The following ACYP2 variants were observed in gnomAD, a reference collection of about 807,000 sequenced individuals.
The protein encoded by ACYP2 is acylphosphatase 2.
Under a neutral mutation model 11.2 loss-of-function variants are expected in ACYP2, and 12 were observed. The observed-to-expected ratio is 1.08, with a 90% CI of 0.69 to 1.74. The LOEUF (loss-of-function observed/expected upper bound fraction) is 1.74. Ranked by LOEUF, ACYP2 falls within the 40% of genes most tolerant of loss-of-function variation. The pLI is 0.00. For missense variants in ACYP2, 134 were observed against 101.9 expected (o/e 1.31, Z -1.35); for synonymous variants, 43 against 32.2 (o/e 1.33, Z -1.13).
intron 2 of ACYP2, among the ~76,000 whole-genome samples, chr2:54,010,282 A>G (rs760042259): frequency 1.2e-4 from 18 of 152,270 alleles, no homozygotes; most frequent in Admixed American, 4.6e-4. Flanking sequence ...TCAGGAGGTC[A>G]AGACCATCCT....
chr2:54,106,553 G>A (rs1377005634), intron 4 of ACYP2, among the ~76,000 whole-genome samples: 1 of 151,710 alleles, frequency 6.6e-6, no homozygotes, highest in Non-Finnish European at 1.5e-5. Flanking sequence ...TCAACATAAT[G>A]TCTCATATAA....
chr2:54,156,374 T>G (rs1040906807), intron 6 of ACYP2, among the ~76,000 whole-genome samples: 1 of 152,200 alleles, frequency 6.6e-6, no homozygotes, highest in African/African-American at 2.4e-5. Flanking sequence ...ACCTAGGTAT[T>G]AAGCCCCGCA....
intron 2 of ACYP2, among the ~76,000 whole-genome samples, chr2:54,008,082 C>G (rs755329746): frequency 3.3e-5 from 5 of 152,170 alleles, no homozygotes; most frequent in Non-Finnish European, 7.4e-5. Context: ...TTTGCAAACG[C>G]AGTTTCACTC....
chr2:54,017,609 TTTC>T (rs1341860999), intron 2 of ACYP2, among the ~76,000 whole-genome samples: 1 of 152,124 alleles, frequency 6.6e-6, no homozygotes, highest in Non-Finnish European at 1.5e-5. Context: ...CCCATAGAAA[TTTC>T]TTTAAAATAT....
At chr2:54,223,185 C>T (rs1337654874) in intron 6 of ACYP2, 1 of 152,094 alleles carries the variant, frequency 6.6e-6, no homozygotes, top group Non-Finnish European at 1.5e-5. Context: ...CAGACAGCCC[C>T]CATTTAGCTC....
intron 6 of ACYP2, among the ~76,000 whole-genome samples, chr2:54,276,222 A>G (rs1688559752): frequency 6.8e-6 from 1 of 146,832 alleles, no homozygotes. Flanking sequence ...AAGCTGTGCA[A>G]GACCCTTCCC....
At chr2:54,054,261 C>T (rs1676008467) in intron 3 of ACYP2, among the ~76,000 whole-genome samples, 1 of 152,148 alleles carries the variant, frequency 6.6e-6, no homozygotes. Context: ...ACCTTCTTTT[C>T]ATTGAGGTGG....
intron 3 of ACYP2, among the ~76,000 whole-genome samples, chr2:54,055,413 TCA>T (rs1483121241): frequency 6.6e-6 from 1 of 152,258 alleles, no homozygotes; most frequent in African/African-American, 2.4e-5. Flanking sequence ...ATTCCATTAC[TCA>T]CAGTAATAAT....
At chr2:54,015,287 A>T (rs1325811095) in intron 2 of ACYP2, among the ~76,000 whole-genome samples, 1 of 151,118 alleles carries the variant, frequency 6.6e-6, no homozygotes, top group Non-Finnish European at 1.5e-5. Flanking sequence ...CGAGGCGAGC[A>T]GATCATGTGA....
At chr2:53,973,934 TCTCA>T (rs1671331882) in intron 2 of ACYP2, 1 of 154,852 alleles carries the variant, frequency 6.5e-6, no homozygotes, top group Non-Finnish European at 1.3e-5. Context: ...TTTTTTTGAG[TCTCA>T]CTCTGTAGCC....
chr2:54,033,812 G>A (rs1240244394), intron 2 of ACYP2, among the ~76,000 whole-genome samples: 1 of 152,202 alleles, frequency 6.6e-6, no homozygotes, highest in Non-Finnish European at 1.5e-5. Flanking sequence ...CTGAAGTAAG[G>A]TGTTAGTAAC....
At chr2:53,979,945 G>A (rs1356274499) in intron 2 of ACYP2, among the ~76,000 whole-genome samples, 2 of 152,034 alleles carry the variant, frequency 1.3e-5, no homozygotes, top group Non-Finnish European at 2.9e-5. Context: ...ACCCGCCTTG[G>A]CCTCCCAAAG....
intron 2 of ACYP2, among the ~76,000 whole-genome samples, chr2:53,989,094 A>G (rs1672161967): frequency 6.6e-6 from 1 of 151,960 alleles, no homozygotes; most frequent in Admixed American, 6.6e-5. Context: ...CCAAGAGTCC[A>G]GTCCCAGTAG....
At chr2:54,045,851 G>C (rs1162850059) in intron 2 of ACYP2, among the ~76,000 whole-genome samples, 1 of 150,690 alleles carries the variant, frequency 6.6e-6, no homozygotes, top group African/African-American at 2.4e-5. Context: ...CTGCTGCTCA[G>C]TATGATGTGA....
At chr2:54,274,574 C>T (rs1364630337) in intron 6 of ACYP2, among the ~76,000 whole-genome samples, 1 of 137,290 alleles carries the variant, frequency 7.3e-6, no homozygotes, top group East Asian at 2.1e-4. Flanking sequence ...CTGCAGTGAG[C>T]CATGGTCACA....
intron 6 of ACYP2, among the ~76,000 whole-genome samples, chr2:54,214,258 G>C (rs1190649009): frequency 6.6e-6 from 1 of 152,130 alleles, no homozygotes; most frequent in Non-Finnish European, 1.5e-5. Flanking sequence ...GGTCCTACTT[G>C]TCAATTTTTG....
chr2:54,237,017 T>C (rs944892450), intron 6 of ACYP2, among the ~76,000 whole-genome samples: 2 of 152,236 alleles, frequency 1.3e-5, no homozygotes, highest in Non-Finnish European at 2.9e-5. Flanking sequence ...AGACTTTTTG[T>C]CTTGTCATTA....
At chr2:54,029,223 G>T (rs7586933) in intron 2 of ACYP2, among the ~76,000 whole-genome samples, 2 of 151,938 alleles carry the variant, frequency 1.3e-5, no homozygotes, top group East Asian at 3.9e-4. Context: ...CCTTCAGAGG[G>T]TGAAGAGGAA....
chr2:54,193,816 C>A lies in ACYP2; in HGVS notation c.404+55068C>A, dbSNP rs560305702. On this transcript the variant is annotated intron_variant, in intron 6 of 6. Transcript: ENST00000607452. The stretch of plus-strand genomic sequence containing the variant: ...GATATTACTGTTGTCTTTATATCTG[C>A]AAATAAGTAGTAATGTATTAGAAAG... Among the ~76,000 whole-genome samples, 5 of 152,070 alleles carry A rather than the reference C, an allele frequency of 3.3e-5. No individual in the cohort carries two copies. The South Asian group carries it at 1.0e-3, about 32-fold the overall frequency.
Sources: allele counts gnomAD v4.1 joint callset (sites outside exome capture counted in the v4.1 genomes callset), GRCh38; gene constraint gnomAD v4.1.1; transcripts MANE v1.5; gene names NCBI Gene and HGNC (gene_info 2026-07-23, HGNC 2026-07-21).